The following B4GALT6 variants were observed in gnomAD, a reference collection of about 807,000 sequenced individuals.
B4GALT6 encodes the protein UDP-Gal:beta-GlcNAc beta-1,4-galactosyltransferase 6.
B4GALT6 carries 14 observed loss-of-function variants against 46.3 expected under a neutral mutation model. The observed-to-expected ratio is 0.30, with a 90% confidence interval of 0.20 to 0.47. The LOEUF is 0.47. Ranked by LOEUF, B4GALT6 falls within the 20% of genes least tolerant of loss-of-function variation. B4GALT6 has a pLI of 0.99. For missense variants in B4GALT6, 386 were observed against 480.1 expected, an observed-to-expected ratio of 0.80 and a Z score of 1.83; for synonymous variants, 168 against 162.0, an observed-to-expected ratio of 1.04 and a Z score of -0.28.
intron 5 of B4GALT6, among the ~76,000 whole-genome samples, chr18:31,632,631 G>A (rs111591864): frequency 6.1e-4 from 93 of 152,186 alleles, no homozygotes; most frequent in African/African-American, 2.0e-3. Flanking sequence ...CACACCTCCT[G>A]CCCCTACCTC....
chr18:31,699,984 C>A, the B4GALT6 span, among the ~76,000 whole-genome samples: 1 of 152,052 alleles, frequency 6.6e-6, no homozygotes, highest in African/African-American at 2.4e-5. Context: ...TTTAACCCAG[C>A]AAAATCAGAT....
At chr18:31,689,093 G>C (rs1012191666), upstream of B4GALT6, among the ~76,000 whole-genome samples, 2 of 152,124 alleles carry the variant, frequency 1.3e-5, no homozygotes, top group African/African-American at 4.8e-5. Context: ...TCTAGTCCTT[G>C]CTTGTCATCA....
In B4GALT6 at chr18:31,623,314, C is replaced by T. The variant is rs76992272; in HGVS notation, c.*2300G>A. 0.024 allele frequency: 3,714 copies of T among 152,098 alleles called. 66 individuals carry two copies. The highest frequency in any genetic ancestry group is 0.037 in the Non-Finnish European group (2,531 of 67,796). The allele number at this position is 152,098 out of a possible 1,614,324, so 9.4% of individuals were successfully genotyped here. ...TAATTTTAGGTCTACACTAAAAAAG[C>T]AAAACAAACAAACAAAAAGCAAACG... On this transcript the variant is annotated 3_prime_UTR_variant, in exon 9 of 9. Transcript: ENST00000306851.
the B4GALT6 span, among the ~76,000 whole-genome samples, chr18:31,698,199 A>G: frequency 4.6e-5 from 7 of 152,178 alleles, no homozygotes; most frequent in Non-Finnish European, 1.0e-4. Flanking sequence ...ATTTAATTCA[A>G]TTATTGCCTT....
intron 2 of B4GALT6, among the ~76,000 whole-genome samples, chr18:31,659,814 T>C (rs1366908939): frequency 6.6e-6 from 1 of 152,088 alleles, no homozygotes; most frequent in Non-Finnish European, 1.5e-5. Flanking sequence ...TTGTTTTGTA[T>C]GCCCAGTGAC....
At chr18:31,627,755 G>C (rs1450940496) in intron 6 of B4GALT6, among the ~76,000 whole-genome samples, 1 of 152,126 alleles carries the variant, frequency 6.6e-6, no homozygotes, top group Non-Finnish European at 1.5e-5. Context: ...CATACTCCAA[G>C]GAATGTGTCA....
chr18:31,658,011 G>A lies in B4GALT6; in HGVS notation c.311C>T (p.Pro104Leu), dbSNP rs2074163184. 9 of 1,613,494 alleles carry A rather than the reference G, an allele frequency of 5.6e-6. No individual in the cohort carries two copies. The highest frequency in any genetic ancestry group is 1.3e-5 in the African/African-American group (1 of 74,792). The change falls in exon 3 of 9, where the codon CCA becomes CTA. Residue 104 changes from proline to leucine, a missense_variant. Transcript: ENST00000306851. ...TYLPENFTYS[P>L]YLPCPEKLPY... The stretch of plus-strand genomic sequence containing the variant: ...CAGCTTTTCTGGACAGGGGAGGTAT[G>A]GTGAGTATGTGAAGTTTTCCGGGAG...
At chr18:31,669,247 T>G (rs2074321365) in intron 1 of B4GALT6, among the ~76,000 whole-genome samples, 1 of 152,216 alleles carries the variant, frequency 6.6e-6, no homozygotes, top group Non-Finnish European at 1.5e-5. Flanking sequence ...TTTTCGAATC[T>G]CTTCTACTTT....
At chr18:31,648,453 T>A (rs1078998) in intron 3 of B4GALT6, among the ~76,000 whole-genome samples, 2 of 151,922 alleles carry the variant, frequency 1.3e-5, no homozygotes, top group Non-Finnish European at 2.9e-5. Flanking sequence ...GCCAAGTACC[T>A]AGAAGGTCAA....
At chr18:31,676,807 T>TA (rs1292051192) in intron 1 of B4GALT6, among the ~76,000 whole-genome samples, 2 of 152,184 alleles carry the variant, frequency 1.3e-5, no homozygotes, top group African/African-American at 2.4e-5. Flanking sequence ...GGGTACGTGT[T>TA]AAAAATTAAT....
intron 5 of B4GALT6, among the ~76,000 whole-genome samples, chr18:31,638,298 G>C (rs950060935): frequency 6.6e-5 from 10 of 152,044 alleles, no homozygotes; most frequent in Non-Finnish European, 8.8e-5. Flanking sequence ...GAGGCCGAGG[G>C]GGGTGGATCA....
the B4GALT6 span, among the ~76,000 whole-genome samples, chr18:31,710,792 TC>T: frequency 1.5e-5 from 2 of 134,344 alleles, no homozygotes; most frequent in African/African-American, 5.3e-5. Flanking sequence ...AAAATACTAA[TC>T]TACTCAGTTT....
At chr18:31,650,838 G>A (rs913723557) in intron 3 of B4GALT6, among the ~76,000 whole-genome samples, 42 of 151,898 alleles carry the variant, frequency 2.8e-4, no homozygotes, top group African/African-American at 9.7e-4. Flanking sequence ...GCGCCATCTC[G>A]GCTCACTACA....
chr18:31,633,614 G>A (rs1567959898), intron 5 of B4GALT6, among the ~76,000 whole-genome samples: 1 of 152,130 alleles, frequency 6.6e-6, no homozygotes, highest in African/African-American at 2.4e-5. Context: ...TTCCTTATTT[G>A]CTTCTCTGAT....
chr18:31,669,259 GATTTTT>G lies in B4GALT6; in HGVS notation c.116-2893_116-2888del, dbSNP rs936279635. Reference sequence around the variant, plus strand: ...TAATTTTCGAATCTCTTCTACTTTTGATTTTTAATTGTTTTCTCCCCTTTTGTATTT... The same window carrying G: ...TAATTTTCGAATCTCTTCTACTTTTGAATTGTTTTCTCCCCTTTTGTATTT... On this transcript the variant is annotated intron_variant, in intron 1 of 8. Coordinates refer to ENST00000306851, the MANE Select transcript of B4GALT6 (RefSeq NM_004775.5). Among the ~76,000 whole-genome samples the G allele has an allele frequency of 1.1e-4, 16 of 152,198 alleles. 1 individual carries two copies. The East Asian group carries it at 2.1e-3, about 20-fold the overall frequency.
chr18:31,656,802 C>T (rs1171018854), intron 3 of B4GALT6, among the ~76,000 whole-genome samples: 1 of 152,100 alleles, frequency 6.6e-6, no homozygotes, highest in Non-Finnish European at 1.5e-5. Flanking sequence ...CAACAGGCCA[C>T]TGCCAGAATA....
At chr18:31,709,858 C>G in the B4GALT6 span, among the ~76,000 whole-genome samples, 10 of 151,690 alleles carry the variant, frequency 6.6e-5, no homozygotes, top group Non-Finnish European at 1.3e-4. Context: ...TTTGAGAAGC[C>G]AAGGCAGGCC....
rs2073658868 is a variant in B4GALT6 at position 31,624,369 on chromosome 18, G to C, written c.*1245C>G. 1 of 151,712 alleles carries C rather than the reference G, an allele frequency of 6.6e-6. No homozygotes were observed. Among genetic ancestry groups the C allele is most frequent in the African/African-American group, 2.4e-5 (1 of 41,338 alleles). 9.4% of individuals were successfully genotyped at this position (151,712 alleles called of 1,614,324 possible). On this transcript the variant is annotated 3_prime_UTR_variant, in exon 9 of 9. Coordinates refer to ENST00000306851, the MANE Select transcript of B4GALT6 (RefSeq NM_004775.5). Reference sequence around the variant, plus strand: ...ATAATTCTATTAAATTATACTTTTAGAAAGAAAATTTTAGTAATTAACACC... The same window carrying C: ...ATAATTCTATTAAATTATACTTTTACAAAGAAAATTTTAGTAATTAACACC...
chr18:31,629,774 C>T (rs1303697081), intron 6 of B4GALT6, among the ~76,000 whole-genome samples: 4 of 147,122 alleles, frequency 2.7e-5, no homozygotes, highest in African/African-American at 5.0e-5. Flanking sequence ...GGCGTGAACC[C>T]GGGAGGCAGA....
Sources: allele counts gnomAD v4.1 joint callset (sites outside exome capture counted in the v4.1 genomes callset), GRCh38; gene constraint gnomAD v4.1.1; transcripts MANE v1.5; gene names NCBI Gene and HGNC (gene_info 2026-07-23, HGNC 2026-07-21).